PTPRD: variants seen among roughly 807,000 people sequenced by gnomAD.
PTPRD encodes the protein protein tyrosine phosphatase receptor type D, also known as receptor-type tyrosine-protein phosphatase delta.
In PTPRD, 34 loss-of-function variants were observed where a neutral mutation model predicts 214.5. That is an observed-to-expected ratio of 0.16 (90% CI 0.12 to 0.21). The LOEUF (loss-of-function observed/expected upper bound fraction) is 0.21. PTPRD is among the 10% of genes least tolerant of loss of function. The pLI is 1.00. For synonymous variants in PTPRD, 1,128 were observed against 845.7 expected (o/e 1.33, Z -5.79); for missense variants, 2,545 against 2,398.7 (o/e 1.06, Z -1.27).
At chr9:9,757,942 C>A (rs374809582) in intron 6 of PTPRD, among the ~76,000 whole-genome samples, 59 of 152,130 alleles carry the variant, frequency 3.9e-4, no homozygotes, top group African/African-American at 1.4e-3. Flanking sequence ...GTTCCTAGAA[C>A]CCCCGAATCT....
Position 8,328,594 on chromosome 9 carries a change from T to G in PTPRD, c.5534+2988A>C, listed in dbSNP as rs1836424051. 2.6e-5 allele frequency among the ~76,000 whole-genome samples: 3 copies of G among 115,200 alleles called. No homozygotes were observed. The South Asian group carries it at 9.7e-4, about 37-fold the overall frequency. 75.6% of individuals were successfully genotyped at this position (115,200 alleles called of 152,430 possible). On this transcript the variant is annotated intron_variant, in intron 44 of 45. Coordinates refer to ENST00000381196, the MANE Select transcript of PTPRD (RefSeq NM_002839.4). ...TCTTGCTAGGTTGGGGAAGTTCTTC[T>G]GGATAATATCCTGATATCCTGAAGA...
chr9:9,646,318 GGTGT>G (rs369865111), intron 7 of PTPRD, among the ~76,000 whole-genome samples: 14,228 of 137,210 alleles, frequency 0.1, 844 homozygotes, highest in Non-Finnish European at 0.14. Context: ...TGTGTGTGTG[GGTGT>G]GTGTGTGTGT....
chr9:10,067,983 A>T (rs181357556), intron 3 of PTPRD, among the ~76,000 whole-genome samples: 1 of 151,928 alleles, frequency 6.6e-6, no homozygotes, highest in Non-Finnish European at 1.5e-5. Flanking sequence ...AGCTGACTCC[A>T]GCGCCACACT....
intron 2 of PTPRD, among the ~76,000 whole-genome samples, chr9:10,386,384 A>G (rs1170163701): frequency 6.6e-6 from 1 of 151,828 alleles, no homozygotes; most frequent in African/African-American, 2.4e-5. Context: ...ACCTTTTCCT[A>G]TATTTATCTC....
At chr9:10,445,628 A>G (rs2098793347) in intron 2 of PTPRD, among the ~76,000 whole-genome samples, 1 of 152,126 alleles carries the variant, frequency 6.6e-6, no homozygotes, top group Non-Finnish European at 1.5e-5. Context: ...TGGAAGACCA[A>G]TGAAACCATT....
At chr9:8,754,106 C>T (rs1244059702) in intron 11 of PTPRD, among the ~76,000 whole-genome samples, 2 of 152,234 alleles carry the variant, frequency 1.3e-5, no homozygotes, top group African/African-American at 4.8e-5. Flanking sequence ...GATCGCACCA[C>T]TGCACTCCAG....
chr9:10,605,984 T>G (rs879595199), intron 2 of PTPRD, among the ~76,000 whole-genome samples: 5 of 151,822 alleles, frequency 3.3e-5, no homozygotes, highest in African/African-American at 4.8e-5. Flanking sequence ...GCAAGTAGTT[T>G]GAAAATAGAA....
chr9:10,280,389 C>T lies in PTPRD; in HGVS notation c.-545+60574G>A, dbSNP rs183221970. Reference sequence around the variant, plus strand: ...ACACACACACACACACACACACACACATGTGAGACATATATTCTAAGATGC... The same window carrying T: ...ACACACACACACACACACACACACATATGTGAGACATATATTCTAAGATGC... On this transcript the variant is annotated intron_variant, in intron 3 of 45. Transcript: ENST00000381196. Among the ~76,000 whole-genome samples, 1,351 of 150,380 alleles carry T rather than the reference C, an allele frequency of 9.0e-3. 27 individuals carry two copies. Among genetic ancestry groups the T allele is most frequent in the African/African-American group, 0.032 (1,289 of 40,712 alleles).
intron 10 of PTPRD, among the ~76,000 whole-genome samples, chr9:9,068,134 T>C (rs1239538038): frequency 6.6e-6 from 1 of 152,210 alleles, no homozygotes; most frequent in Non-Finnish European, 1.5e-5. Context: ...TTACTTAGCA[T>C]AATTTTCTCG....
chr9:9,010,165 A>G (rs1486766554), intron 11 of PTPRD, among the ~76,000 whole-genome samples: 1 of 152,212 alleles, frequency 6.6e-6, no homozygotes, highest in Non-Finnish European at 1.5e-5. Context: ...CAAATTCAGT[A>G]GATGGTTGAT....
intron 3 of PTPRD, among the ~76,000 whole-genome samples, chr9:10,125,804 A>G (rs2098814955): frequency 6.6e-6 from 1 of 152,100 alleles, no homozygotes; most frequent in Non-Finnish European, 1.5e-5. Flanking sequence ...ATATTTTAGT[A>G]AAACTATAAG....
chr9:9,708,861 TA>T (rs2097674378), intron 7 of PTPRD, among the ~76,000 whole-genome samples: 2 of 152,006 alleles, frequency 1.3e-5, no homozygotes. Context: ...ATTGTAAATT[TA>T]AAAAACACAA....
Position 10,505,785 on chromosome 9 carries a change from G to GCATGTACAT in PTPRD, c.-600+106604_-600+106612dup, listed in dbSNP as rs557154785. ...ATATGTCATTGCTATTGAGGAAAAA[G>GCATGTACAT]CATGTACATCTAGCATAGAAGCCAA... On this transcript the variant is annotated intron_variant, in intron 2 of 45. Transcript: ENST00000381196. Among the ~76,000 whole-genome samples the GCATGTACAT allele has an allele frequency of 2.0e-3, 302 of 152,016 alleles. 1 individual carries two copies. The highest frequency in any genetic ancestry group is 6.9e-3 in the African/African-American group (288 of 41,476).
intron 9 of PTPRD, among the ~76,000 whole-genome samples, chr9:9,219,617 A>G (rs1569563943): frequency 6.6e-6 from 1 of 152,160 alleles, no homozygotes; most frequent in Admixed American, 6.6e-5. Context: ...CACACAATCA[A>G]GCAAAGGAAA....
chr9:8,619,758 G>A (rs188859056), intron 14 of PTPRD, among the ~76,000 whole-genome samples: 2 of 151,522 alleles, frequency 1.3e-5, no homozygotes, highest in African/African-American at 2.4e-5. Flanking sequence ...TGGAGTTAAG[G>A]TATCTTTTAC....
At chr9:9,746,938 A>T (rs931699499) in intron 6 of PTPRD, among the ~76,000 whole-genome samples, 5 of 152,066 alleles carry the variant, frequency 3.3e-5, no homozygotes, top group African/African-American at 1.2e-4. Context: ...AGGAAACAGT[A>T]CATTCTGAAT....
intron 3 of PTPRD, among the ~76,000 whole-genome samples, chr9:10,204,345 A>C (rs914577673): frequency 1.3e-5 from 2 of 152,170 alleles, no homozygotes; most frequent in African/African-American, 4.8e-5. Context: ...ACAGTTTATA[A>C]TACTAGAGAA....
In PTPRD at chr9:9,962,679, C is replaced by T. The variant is rs377714085; in HGVS notation, c.-471-24069G>A. On this transcript the variant is annotated intron_variant, in intron 4 of 45. Coordinates refer to ENST00000381196, the MANE Select transcript of PTPRD (RefSeq NM_002839.4). Reference sequence around the variant, plus strand: ...TCCATCCACCTTTTATACTTCTTTTCGTATGGTCTAATTGTTGTATGTATC... The same window carrying T: ...TCCATCCACCTTTTATACTTCTTTTTGTATGGTCTAATTGTTGTATGTATC... 1.1e-4 allele frequency among the ~76,000 whole-genome samples: 16 copies of T among 152,016 alleles called. 1 individual carries two copies. The East Asian group carries it at 1.2e-3, about 11-fold the overall frequency.
At chr9:10,466,974 T>C (rs982385049) in intron 2 of PTPRD, among the ~76,000 whole-genome samples, 1 of 152,194 alleles carries the variant, frequency 6.6e-6, no homozygotes, top group South Asian at 2.1e-4. Flanking sequence ...TAGGAAACTA[T>C]GATAGCAAAT....
Sources: gnomAD v4.1 joint callset for allele counts (sites outside exome capture counted in the v4.1 genomes callset) on GRCh38, gnomAD v4.1.1 for gene constraint, MANE v1.5 for transcripts, NCBI Gene and HGNC (gene_info 2026-07-23, HGNC 2026-07-21) for gene names.